RORB: variants seen among roughly 807,000 people sequenced by gnomAD.
RORB encodes the protein nuclear receptor ROR-beta.
In RORB, 6 loss-of-function variants were observed where a neutral mutation model predicts 59.1. The observed-to-expected ratio is 0.10, with a 90% CI of 0.06 to 0.20. The LOEUF (loss-of-function observed/expected upper bound fraction) is 0.20. Ranked by LOEUF, RORB falls within the 10% of genes least tolerant of loss-of-function variation. The pLI, the probability that RORB is intolerant of heterozygous loss-of-function variation, is 1.00. For missense variants in RORB, 320 were observed against 560.5 expected (o/e 0.57, Z 4.33); for synonymous variants, 215 against 204.5 (o/e 1.05, Z -0.44).
In RORB at chr9:74,689,417, T is replaced by G. The variant is rs974466417; in HGVS notation, c.*3799T>G. 6.6e-6 allele frequency: 1 copy of G among 152,314 alleles called. No homozygotes were observed. The highest frequency in any genetic ancestry group is 2.4e-5 in the African/African-American group (1 of 41,464). The allele number at this position is 152,314 out of a possible 1,614,324, so 9.4% of individuals were successfully genotyped here. ...CTGCGCCCTGCCTTCAGTGGCTCTT[T>G]TATCCCCCAAAGACTGAAAGCTGAA... On this transcript the variant is annotated 3_prime_UTR_variant, in exon 10 of 10. Coordinates refer to ENST00000376896, the MANE Select transcript of RORB (RefSeq NM_006914.4).
chr9:74,646,541 A>C (rs1349823351), intron 4 of RORB, among the ~76,000 whole-genome samples: 2 of 152,210 alleles, frequency 1.3e-5, no homozygotes, highest in African/African-American at 4.8e-5. Flanking sequence ...GTAGAAAATC[A>C]TTTCATGCAT....
At chr9:74,506,214 G>A (rs188667118) in intron 1 of RORB, among the ~76,000 whole-genome samples, 16 of 152,014 alleles carry the variant, frequency 1.1e-4, no homozygotes, top group South Asian at 4.2e-4. Flanking sequence ...AGAGTATGTA[G>A]GCCGTATCTG....
intron 1 of RORB, among the ~76,000 whole-genome samples, chr9:74,624,905 A>G (rs767395258): frequency 2.0e-5 from 3 of 152,200 alleles, no homozygotes; most frequent in Admixed American, 6.5e-5. Flanking sequence ...GCCCACTTTT[A>G]GCATAACTGT....
At chr9:74,503,751 A>G (rs1468411649) in intron 1 of RORB, among the ~76,000 whole-genome samples, 1 of 152,044 alleles carries the variant, frequency 6.6e-6, no homozygotes, top group Non-Finnish European at 1.5e-5. Flanking sequence ...AGCGCAAGAC[A>G]AAGGAAGCAT....
chr9:74,624,849 T>A (rs1823484236), intron 1 of RORB, among the ~76,000 whole-genome samples: 1 of 152,194 alleles, frequency 6.6e-6, no homozygotes, highest in Admixed American at 6.5e-5. Flanking sequence ...AATTTCTACA[T>A]GTGTAAATTG....
chr9:74,607,238 G>T (rs1823162525), intron 1 of RORB, among the ~76,000 whole-genome samples: 1 of 152,156 alleles, frequency 6.6e-6, no homozygotes, highest in Admixed American at 6.5e-5. Context: ...AAGATCCCTT[G>T]GGGAAGATTC....
intron 1 of RORB, among the ~76,000 whole-genome samples, chr9:74,628,340 A>G (rs571471513): frequency 6.6e-6 from 1 of 152,212 alleles, no homozygotes; most frequent in Admixed American, 6.5e-5. Flanking sequence ...GAGCTATTGG[A>G]GTAATATAGG....
intron 1 of RORB, among the ~76,000 whole-genome samples, chr9:74,568,157 G>T (rs1822496044): frequency 6.6e-6 from 1 of 151,964 alleles, no homozygotes; most frequent in Admixed American, 6.6e-5. Context: ...TGACACACAA[G>T]ACAAAATAAA....
intron 1 of RORB, among the ~76,000 whole-genome samples, chr9:74,623,806 G>A (rs1351734092): frequency 6.6e-6 from 1 of 152,126 alleles, no homozygotes; most frequent in Non-Finnish European, 1.5e-5. Context: ...CGGGTCCCAC[G>A]CACAAGTTAT....
chr9:74,588,818 A>C (rs916524925), intron 1 of RORB, among the ~76,000 whole-genome samples: 1 of 152,164 alleles, frequency 6.6e-6, no homozygotes, highest in African/African-American at 2.4e-5. Context: ...TCAAAGCAAG[A>C]TATCTTTTAA....
chr9:74,642,535 C>T lies in RORB; in HGVS notation c.357C>T (p.Ala119=). 6.2e-7 allele frequency: 1 copy of T among 1,614,176 alleles called. No homozygotes were observed. The highest frequency in any genetic ancestry group is 8.5e-7 in the Non-Finnish European group (1 of 1,180,038). ...AGAGTGGGGAGGCAGAAGCCCTTGC[C>T]AGGGTGTACAGCAGCAGCATTAGCA... ...QQQSGEAEAL[A]RVYSSSISNG... The change falls in exon 4 of 10, where the codon GCC becomes GCT. Residue 119 remains alanine, a synonymous_variant. Transcript: ENST00000376896.
chr9:74,686,987 A>G lies in RORB; in HGVS notation c.*1369A>G, dbSNP rs932508692. On this transcript the variant is annotated 3_prime_UTR_variant, in exon 10 of 10. Coordinates refer to ENST00000376896, the MANE Select transcript of RORB (RefSeq NM_006914.4). ...CCATTTACCCTAGAATTATTTTTTT[A>G]GCAACTTTTAGAAATAAAGAATACA... The G allele has an allele frequency of 2.0e-5, 3 of 152,108 alleles. No individual in the cohort carries two copies. Among genetic ancestry groups the G allele is most frequent in the African/African-American group, 7.2e-5 (3 of 41,436 alleles). 9.4% of individuals were successfully genotyped at this position (152,108 alleles called of 1,614,324 possible).
intron 9 of RORB, among the ~76,000 whole-genome samples, chr9:74,682,304 G>T: frequency 8.2e-6 from 1 of 122,190 alleles, no homozygotes; most frequent in African/African-American, 3.0e-5. Context: ...GAGGGGGGAG[G>T]GATAGCATTT....
At chr9:74,606,780 A>T (rs1387238963) in intron 1 of RORB, among the ~76,000 whole-genome samples, 1 of 152,212 alleles carries the variant, frequency 6.6e-6, no homozygotes, top group African/African-American at 2.4e-5. Context: ...TTGGGTTCTT[A>T]TGTAAATGAG....
At chr9:74,558,603 G>A (rs1361277713) in intron 1 of RORB, among the ~76,000 whole-genome samples, 2 of 152,070 alleles carry the variant, frequency 1.3e-5, no homozygotes, top group African/African-American at 2.4e-5. Context: ...CTGACTTTCA[G>A]AATTTCCAGT....
intron 1 of RORB, among the ~76,000 whole-genome samples, chr9:74,571,466 A>G (rs954919209): frequency 6.6e-6 from 1 of 151,994 alleles, no homozygotes; most frequent in African/African-American, 2.4e-5. Flanking sequence ...CTCCAAAAAA[A>G]GGGTAGAATT....
intron 1 of RORB, among the ~76,000 whole-genome samples, chr9:74,579,052 G>A (rs1822680021): frequency 6.6e-6 from 1 of 152,088 alleles, no homozygotes; most frequent in Non-Finnish European, 1.5e-5. Context: ...TTAATCCTAT[G>A]TATGAAGATT....
intron 1 of RORB, among the ~76,000 whole-genome samples, chr9:74,598,835 A>C (rs1035472104): frequency 6.6e-6 from 1 of 152,202 alleles, no homozygotes; most frequent in Non-Finnish European, 1.5e-5. Flanking sequence ...ATTCAAAGGT[A>C]TGACCCTGGC....
chr9:74,517,180 C>T (rs961353932), intron 1 of RORB, among the ~76,000 whole-genome samples: 5 of 151,932 alleles, frequency 3.3e-5, no homozygotes, highest in Admixed American at 1.3e-4. Context: ...CTGCAAAATG[C>T]ATGTGTCATC....
Sources: gnomAD v4.1 joint callset for allele counts (sites outside exome capture counted in the v4.1 genomes callset) on GRCh38, gnomAD v4.1.1 for gene constraint, MANE v1.5 for transcripts, NCBI Gene and HGNC (gene_info 2026-07-23, HGNC 2026-07-21) for gene names.